WWOX: variants seen among roughly 807,000 people sequenced by gnomAD.
WWOX encodes the protein WW domain containing oxidoreductase, also known as WW domain-containing oxidoreductase.
In WWOX, 69 loss-of-function variants were observed where a neutral mutation model predicts 46.2. The ratio of observed to expected loss-of-function variants is 1.49; its 90% CI spans 1.23 to 1.82. The LOEUF (loss-of-function observed/expected upper bound fraction) is 1.82. WWOX is among the 40% of genes most tolerant of loss of function. The probability of loss-of-function intolerance (pLI) is 0.00; values close to 1 mark genes in which losing one functional copy is unlikely to be tolerated. For missense variants in WWOX, 919 were observed against 542.6 expected, an observed-to-expected ratio of 1.69 and a Z score of -6.89; for synonymous variants, 359 against 202.6, an observed-to-expected ratio of 1.77 and a Z score of -6.56.
chr16:78,398,521 A>G (rs2082340179), intron 6 of WWOX, among the ~76,000 whole-genome samples: 2 of 152,136 alleles, frequency 1.3e-5, no homozygotes, highest in African/African-American at 4.8e-5. Flanking sequence ...ACCTGCTCTT[A>G]CCCGGGCACC....
At chr16:78,623,243 T>G (rs2046231857) in intron 8 of WWOX, among the ~76,000 whole-genome samples, 1 of 152,148 alleles carries the variant, frequency 6.6e-6, no homozygotes, top group African/African-American at 2.4e-5. Context: ...TTTTGGTAAT[T>G]TGTTAGATGG....
At chr16:78,419,612 C>G (rs1388537292) in intron 6 of WWOX, among the ~76,000 whole-genome samples, 1 of 61,894 alleles carries the variant, frequency 1.6e-5, no homozygotes, top group Non-Finnish European at 3.0e-5. Context: ...ATAAACTACA[C>G]AGCAAAAAAT....
intron 8 of WWOX, among the ~76,000 whole-genome samples, chr16:78,901,680 G>C (rs749719935): frequency 6.6e-6 from 1 of 152,156 alleles, no homozygotes; most frequent in Non-Finnish European, 1.5e-5. Flanking sequence ...GTAGTAACAC[G>C]GTTTTTTCAT....
chr16:78,356,972 C>G (rs1234126153), intron 5 of WWOX, among the ~76,000 whole-genome samples: 3 of 152,264 alleles, frequency 2.0e-5, no homozygotes, highest in African/African-American at 7.2e-5. Flanking sequence ...CTAAATGATG[C>G]CTACCTTTTT....
intron 5 of WWOX, among the ~76,000 whole-genome samples, chr16:78,291,057 A>G (rs963164496): frequency 6.6e-6 from 1 of 152,134 alleles, no homozygotes; most frequent in South Asian, 2.1e-4. Flanking sequence ...GTGGCTGCCA[A>G]GTTTACACAG....
At chr16:78,321,036 A>T (rs1422836676) in intron 5 of WWOX, among the ~76,000 whole-genome samples, 2 of 152,160 alleles carry the variant, frequency 1.3e-5, no homozygotes, top group Admixed American at 6.5e-5. Flanking sequence ...AGCCTCACAG[A>T]TGGCATATGA....
chr16:79,002,911 A>G (rs1318472703), intron 8 of WWOX, among the ~76,000 whole-genome samples: 1 of 152,230 alleles, frequency 6.6e-6, no homozygotes, highest in African/African-American at 2.4e-5. Context: ...TGTACTCCGT[A>G]ATGCAGAAAT....
Position 78,115,171 on chromosome 16 carries a change from G to C in WWOX, c.409+17G>C, listed in dbSNP as rs771445250. Reference sequence around the variant, plus strand: ...CAGGAATAGGTAGGCTCTTCACTTAGTTATTTATCTTTGGGACTGCTATAA... The same window carrying C: ...CAGGAATAGGTAGGCTCTTCACTTACTTATTTATCTTTGGGACTGCTATAA... On this transcript the variant is annotated intron_variant, in intron 4 of 8. Transcript: ENST00000566780. 4 of 1,613,984 alleles carry C rather than the reference G, an allele frequency of 2.5e-6. No individual in the cohort carries two copies. Among genetic ancestry groups the C allele is most frequent in the South Asian group, 1.1e-5 (1 of 91,092 alleles).
At chr16:79,175,600 G>C (rs188735923) in intron 8 of WWOX, among the ~76,000 whole-genome samples, 43 of 152,292 alleles carry the variant, frequency 2.8e-4, no homozygotes, top group African/African-American at 9.6e-4. Context: ...GTAGTTCATA[G>C]GGCTCCTGAC....
chr16:78,455,122 C>T (rs532240942), intron 8 of WWOX, among the ~76,000 whole-genome samples: 1 of 152,264 alleles, frequency 6.6e-6, no homozygotes, highest in South Asian at 2.1e-4. Context: ...TGTGGCTTTT[C>T]TGTCTTGAGG....
At chr16:78,943,685 A>G (rs2045896299) in intron 8 of WWOX, among the ~76,000 whole-genome samples, 1 of 152,188 alleles carries the variant, frequency 6.6e-6, no homozygotes, top group Non-Finnish European at 1.5e-5. Context: ...CTGGAAAAGT[A>G]GCAGGGTGTG....
intron 8 of WWOX, among the ~76,000 whole-genome samples, chr16:78,491,956 C>T (rs1386132686): frequency 6.6e-6 from 1 of 152,144 alleles, no homozygotes; most frequent in African/African-American, 2.4e-5. Context: ...TGGACATCTT[C>T]ACCTGACTTT....
chr16:78,427,302 C>T (rs984869523), intron 7 of WWOX, among the ~76,000 whole-genome samples: 1 of 152,200 alleles, frequency 6.6e-6, no homozygotes, highest in African/African-American at 2.4e-5. Context: ...CCTGTGTCTT[C>T]ACTGTGTTTT....
chr16:79,150,131 C>G (rs6564650), intron 8 of WWOX, among the ~76,000 whole-genome samples: 20,621 of 152,226 alleles, frequency 0.14, 2,305 homozygotes, highest in African/African-American at 0.31. Flanking sequence ...GTTCACCAAG[C>G]TTAGCTCTGC....
chr16:78,216,255 C>T (rs988990478), intron 5 of WWOX, among the ~76,000 whole-genome samples: 1 of 152,120 alleles, frequency 6.6e-6, no homozygotes, highest in African/African-American at 2.4e-5. Context: ...TCTTTATAAT[C>T]CCCAGAGCCT....
intron 8 of WWOX, among the ~76,000 whole-genome samples, chr16:78,725,075 T>C (rs928592150): frequency 3.3e-5 from 5 of 152,088 alleles, no homozygotes; most frequent in African/African-American, 7.2e-5. Flanking sequence ...TGGGAGAATA[T>C]TGAATCATGG....
At chr16:79,139,606 C>G (rs1282377499) in intron 8 of WWOX, among the ~76,000 whole-genome samples, 1 of 151,564 alleles carries the variant, frequency 6.6e-6, no homozygotes, top group Non-Finnish European at 1.5e-5. Flanking sequence ...TTCTTTCTTT[C>G]TTTCTTTTCT....
intron 8 of WWOX, among the ~76,000 whole-genome samples, chr16:78,835,637 A>T (rs1433469434): frequency 6.6e-6 from 1 of 152,226 alleles, no homozygotes; most frequent in Non-Finnish European, 1.5e-5. Context: ...ATAGAGTAGG[A>T]AACAGAGATG....
intron 1 of WWOX, among the ~76,000 whole-genome samples, chr16:78,106,624 C>T (rs1024136163): frequency 6.6e-6 from 1 of 152,024 alleles, no homozygotes; most frequent in East Asian, 1.9e-4. Flanking sequence ...CCATGTTGTT[C>T]AGGCTGGTCG....
Sources: allele counts gnomAD v4.1 joint callset (sites outside exome capture counted in the v4.1 genomes callset), GRCh38; gene constraint gnomAD v4.1.1; transcripts MANE v1.5; gene names NCBI Gene and HGNC (gene_info 2026-07-23, HGNC 2026-07-21).